The following MEGF10 variants were observed in gnomAD, a reference collection of about 807,000 sequenced individuals.
The protein encoded by MEGF10 is multiple epidermal growth factor-like domains protein 10.
A neutral mutation model predicts 147.5 loss-of-function variants in MEGF10; 86 were observed. The observed-to-expected ratio is 0.58, with a 90% CI of 0.49 to 0.70. The LOEUF (loss-of-function observed/expected upper bound fraction) is 0.70, where lower values mean the gene tolerates loss of function less well. Ranked by LOEUF, MEGF10 falls within the 30% of genes least tolerant of loss-of-function variation. The probability of loss-of-function intolerance (pLI) is 0.00; values close to 1 mark genes in which losing one functional copy is unlikely to be tolerated. For missense variants in MEGF10, 1,329 were observed against 1,487.3 expected (o/e 0.89, Z 1.75); for synonymous variants, 478 against 525.5 (o/e 0.91, Z 1.24).
chr5:127,381,497 C>T (rs1038494653), intron 5 of MEGF10, among the ~76,000 whole-genome samples: 2 of 152,164 alleles, frequency 1.3e-5, no homozygotes, highest in African/African-American at 4.8e-5. Flanking sequence ...ATGATATGTA[C>T]GAGATGGTGC....
At chr5:127,378,577 C>T (rs940099453) in intron 5 of MEGF10, among the ~76,000 whole-genome samples, 2 of 152,122 alleles carry the variant, frequency 1.3e-5, no homozygotes, top group Non-Finnish European at 2.9e-5. Context: ...CTCAGCCTCC[C>T]GAGTAGCTGG....
intron 9 of MEGF10, among the ~76,000 whole-genome samples, chr5:127,412,168 T>A (rs1764595840): frequency 6.6e-6 from 1 of 152,230 alleles, no homozygotes; most frequent in Non-Finnish European, 1.5e-5. Flanking sequence ...ATTACATAGA[T>A]CAATAACACT....
At chr5:127,288,079 T>C (rs1580663602), upstream of MEGF10, among the ~76,000 whole-genome samples, 1 of 152,190 alleles carries the variant, frequency 6.6e-6, no homozygotes, top group South Asian at 2.1e-4. Context: ...CCTTACTTCA[T>C]ACCATACACA....
chr5:127,385,700 G>A (rs936312380), intron 5 of MEGF10, among the ~76,000 whole-genome samples: 5 of 152,304 alleles, frequency 3.3e-5, no homozygotes, highest in Admixed American at 3.3e-4. Context: ...GATTTGATAT[G>A]TTATCCCACT....
At chr5:127,315,551 G>T (rs1390969179) in intron 1 of MEGF10, among the ~76,000 whole-genome samples, 1 of 152,158 alleles carries the variant, frequency 6.6e-6, no homozygotes, top group Non-Finnish European at 1.5e-5. Flanking sequence ...TGATAGAGGT[G>T]AATTGCTTGA....
At chr5:127,239,514 T>A in the MEGF10 span, among the ~76,000 whole-genome samples, 1 of 146,748 alleles carries the variant, frequency 6.8e-6, no homozygotes, top group Non-Finnish European at 1.5e-5. Context: ...TACATGTATA[T>A]ACTTTATATA....
intron 4 of MEGF10, among the ~76,000 whole-genome samples, chr5:127,367,708 A>G (rs1762706144): frequency 1.3e-5 from 2 of 152,214 alleles, no homozygotes; most frequent in Admixed American, 1.3e-4. Flanking sequence ...GAAATATTCA[A>G]ACAGAATTTT....
chr5:127,394,412 A>C (rs1331985355), intron 5 of MEGF10, among the ~76,000 whole-genome samples: 1 of 152,164 alleles, frequency 6.6e-6, no homozygotes, highest in Non-Finnish European at 1.5e-5. Context: ...TATTGTGAAA[A>C]AGTCAGGAGA....
At chr5:127,316,878 G>T (rs1760568938) in intron 1 of MEGF10, among the ~76,000 whole-genome samples, 1 of 152,176 alleles carries the variant, frequency 6.6e-6, no homozygotes, top group African/African-American at 2.4e-5. Flanking sequence ...GAATGACAAG[G>T]TTAGCCAGGG....
the MEGF10 span, among the ~76,000 whole-genome samples, chr5:127,274,791 A>C: frequency 6.6e-6 from 1 of 152,184 alleles, no homozygotes; most frequent in African/African-American, 2.4e-5. Context: ...GATGTATGAG[A>C]TAAAGATGAC....
intron 1 of MEGF10, among the ~76,000 whole-genome samples, chr5:127,302,281 T>G (rs1356812875): frequency 6.6e-6 from 1 of 152,146 alleles, no homozygotes; most frequent in Non-Finnish European, 1.5e-5. Flanking sequence ...TGGAATATTA[T>G]TTAGTCATGG....
intron 1 of MEGF10, among the ~76,000 whole-genome samples, chr5:127,303,209 G>A (rs1275945276): frequency 2.0e-5 from 3 of 151,904 alleles, no homozygotes; most frequent in African/African-American, 4.8e-5. Flanking sequence ...GGTGATGTGC[G>A]CCTATAATCC....
the MEGF10 span, among the ~76,000 whole-genome samples, chr5:127,257,112 G>T: frequency 6.6e-6 from 1 of 152,242 alleles, no homozygotes; most frequent in Middle Eastern, 3.4e-3. Flanking sequence ...TGTGAGCAAA[G>T]GTTGTCTTAT....
the MEGF10 span, among the ~76,000 whole-genome samples, chr5:127,245,983 AG>A: frequency 2.6e-5 from 4 of 152,246 alleles, no homozygotes; most frequent in Non-Finnish European, 5.9e-5. Flanking sequence ...GTGGAGTAAT[AG>A]GAATGCTTTT....
intron 2 of MEGF10, among the ~76,000 whole-genome samples, chr5:127,336,909 G>A (rs150780544): frequency 6.6e-4 from 101 of 152,174 alleles, no homozygotes; most frequent in Middle Eastern, 6.8e-3. Flanking sequence ...CACAGAGGAC[G>A]TTCATTCACT....
chr5:127,424,705 G>A, intron 13 of MEGF10: 1 of 321,280 alleles, frequency 3.1e-6, no homozygotes, highest in Non-Finnish European at 4.7e-6. Flanking sequence ...ACAGACACGA[G>A]GCCTCCCCAA....
At chr5:127,266,425 A>G in the MEGF10 span, among the ~76,000 whole-genome samples, 2 of 152,290 alleles carry the variant, frequency 1.3e-5, no homozygotes, top group African/African-American at 4.8e-5. Flanking sequence ...GTTCCATATG[A>G]ACTTTAAAGT....
chr5:127,426,744 A>T (rs1017703438), intron 13 of MEGF10, among the ~76,000 whole-genome samples: 2 of 152,222 alleles, frequency 1.3e-5, no homozygotes, highest in African/African-American at 4.8e-5. Flanking sequence ...TCCCAAAATT[A>T]CAGAAACAGG....
chr5:127,400,704 AT>A (rs1764093791), intron 7 of MEGF10, among the ~76,000 whole-genome samples: 2 of 152,034 alleles, frequency 1.3e-5, no homozygotes, highest in Non-Finnish European at 2.9e-5. Flanking sequence ...CTCAGTTGGG[AT>A]GGTCAGGATG....
Sources: allele counts gnomAD v4.1 joint callset (sites outside exome capture counted in the v4.1 genomes callset), GRCh38; gene constraint gnomAD v4.1.1; transcripts MANE v1.5; gene names NCBI Gene and HGNC (gene_info 2026-07-23, HGNC 2026-07-21).